The following PIR variants were observed in gnomAD, a reference collection of about 807,000 sequenced individuals.
PIR encodes the protein pirin (iron-binding nuclear protein).
In PIR, 22 loss-of-function variants were observed where a neutral mutation model predicts 24.2. The ratio of observed to expected loss-of-function variants is 0.91; its 90% CI spans 0.65 to 1.30. PIR has a LOEUF of 1.30. Ranked by LOEUF, PIR falls within the 50% of genes most tolerant of loss-of-function variation. The pLI is 0.00. For synonymous variants in PIR, 80 were observed against 79.6 expected, an observed-to-expected ratio of 1.00 and a Z score of -0.03; for missense variants, 220 against 220.3, an observed-to-expected ratio of 1.00 and a Z score of 0.01.
chrX:15,461,314 C>T (rs1481430735), intron 3 of PIR, among the ~76,000 whole-genome samples: 1 of 112,101 alleles, frequency 8.9e-6, no homozygotes, highest in Admixed American at 9.4e-5. Context: ...AGCACACAAA[C>T]TCACTAGGTG....
chrX:15,472,473 G>A (rs912874197), intron 3 of PIR, among the ~76,000 whole-genome samples: 3 of 111,956 alleles, frequency 2.7e-5, no homozygotes, highest in Non-Finnish European at 3.8e-5. Context: ...ATATCCATAC[G>A]ATACAATAGA....
At chrX:15,409,162 G>A (rs1361466537) in intron 6 of PIR, among the ~76,000 whole-genome samples, 4 of 97,774 alleles carry the variant, frequency 4.1e-5, no homozygotes, top group African/African-American at 1.6e-4. Context: ...GCAGTGGTGC[G>A]ATCTCCGCTC....
chrX:15,444,670 C>T (rs950735437), intron 5 of PIR, among the ~76,000 whole-genome samples: 3 of 111,865 alleles, frequency 2.7e-5, no homozygotes, highest in African/African-American at 9.8e-5. Context: ...CACCAGAACT[C>T]TTGCTCAAAA....
At chrX:15,387,209 C>A (rs1293715236) in intron 9 of PIR, among the ~76,000 whole-genome samples, 1 of 105,180 alleles carries the variant, frequency 9.5e-6, no homozygotes, top group Non-Finnish European at 1.9e-5. Flanking sequence ...AATTCTCACA[C>A]CTCAGCCTCC....
intron 6 of PIR, among the ~76,000 whole-genome samples, chrX:15,424,098 T>C (rs953442413): frequency 8.9e-6 from 1 of 112,168 alleles, no homozygotes; most frequent in Non-Finnish European, 1.9e-5. Context: ...AATCAATATA[T>C]CAAAGAAATA....
chrX:15,409,287 C>T (rs1210548579), intron 6 of PIR, among the ~76,000 whole-genome samples: 6 of 85,810 alleles, frequency 7.0e-5, no homozygotes, highest in East Asian at 6.6e-4. Flanking sequence ...TTAGTAGAGA[C>T]GGGGTTTCAC....
At chrX:15,410,563 T>C (rs16979910) in intron 6 of PIR, among the ~76,000 whole-genome samples, 8,384 of 111,954 alleles carry the variant, frequency 0.075, 771 homozygotes, top group African/African-American at 0.25. Context: ...TGTTCACCCT[T>C]CAAGCAGAAA....
At chrX:15,454,475 A>T (rs1921007279) in intron 5 of PIR, among the ~76,000 whole-genome samples, 1 of 64,968 alleles carries the variant, frequency 1.5e-5, no homozygotes, top group South Asian at 1.0e-3. Flanking sequence ...GGTACAGGTA[A>T]AAAAAAAAAA....
At chrX:15,400,355 C>T (rs1316937026) in intron 7 of PIR, among the ~76,000 whole-genome samples, 4 of 111,924 alleles carry the variant, frequency 3.6e-5, no homozygotes, top group Non-Finnish European at 7.5e-5. Context: ...TCTTTATCTT[C>T]AACTAATTCA....
chrX:15,407,657 T>G, intron 6 of PIR, 107 bp from the exon 7 acceptor site: 1 of 593,760 alleles, frequency 1.7e-6, no homozygotes, highest in South Asian at 2.6e-5. Flanking sequence ...GAAATCCTTT[T>G]TTTCCCTTTA....
At chrX:15,433,547 AGAGAAAGAAAGAAAG>A in intron 5 of PIR, among the ~76,000 whole-genome samples, 1 of 60,964 alleles carries the variant, frequency 1.6e-5, no homozygotes, top group South Asian at 1.0e-3. Context: ...AAAGAAAGAG[AGAGAAAGAAAGAAAG>A]AGAGAGAAAG....
chrX:15,476,802 G>A (rs1045882209), intron 3 of PIR, among the ~76,000 whole-genome samples: 4 of 111,519 alleles, frequency 3.6e-5, no homozygotes, highest in African/African-American at 1.3e-4. Flanking sequence ...AATGGCAAAG[G>A]TCAGAAAAGT....
Position 15,491,310 on chromosome X carries a change from C to A in PIR, c.-52-1G>T. On this transcript the variant is annotated splice_acceptor_variant, in intron 1 of 9. Coordinates refer to ENST00000380420, the MANE Select transcript of PIR (RefSeq NM_001018109.3). LOFTEE classifies it low-confidence loss of function (5UTR_SPLICE). ...ATGCTGAGCTGTAGAGGATGGAGGG[C>A]TAAAGGAAGGACAACAAAAAAAAAA... The A allele has an allele frequency of 1.3e-6, 1 of 789,712 alleles. No individual in the cohort carries two copies. Among genetic ancestry groups the A allele is most frequent in the African/African-American group, 2.1e-5 (1 of 47,117 alleles). 65.1% of individuals were successfully genotyped at this position (789,712 alleles called of 1,213,427 possible).
At chrX:15,453,819 G>A (rs906447254) in intron 5 of PIR, among the ~76,000 whole-genome samples, 1 of 111,934 alleles carries the variant, frequency 8.9e-6, no homozygotes, top group Non-Finnish European at 1.9e-5. Flanking sequence ...AGAAGTAGTT[G>A]TAAACTCTAA....
chrX:15,447,952 A>G (rs1270294457), intron 5 of PIR, among the ~76,000 whole-genome samples: 1 of 112,213 alleles, frequency 8.9e-6, no homozygotes, highest in Admixed American at 9.4e-5. Context: ...AGGGCCAACA[A>G]AGTATGAATG....
In PIR at chrX:15,462,849, A is replaced by C. The variant is rs185062230; in HGVS notation, c.190-3109T>G. On this transcript the variant is annotated intron_variant, in intron 3 of 9. Transcript: ENST00000380420. ...GAAGGTAAGTGCACCAACAACATTC[A>C]TTGAACAAATACTCACTGAAGTCCT... Among the ~76,000 whole-genome samples, 4 of 112,428 alleles carry C rather than the reference A, an allele frequency of 3.6e-5. No individual in the cohort carries two copies. The East Asian group carries it at 1.1e-3, about 31-fold the overall frequency.
chrX:15,490,788 G>C (rs1011425467), intron 2 of PIR, among the ~76,000 whole-genome samples: 63 of 111,868 alleles, frequency 5.6e-4, no homozygotes, highest in African/African-American at 2.0e-3. Flanking sequence ...TTGGAATTGA[G>C]AATCAGAGTT....
chrX:15,420,223 A>G (rs1466439096), intron 6 of PIR, among the ~76,000 whole-genome samples: 1 of 111,920 alleles, frequency 8.9e-6, no homozygotes, highest in East Asian at 2.8e-4. Context: ...CAACAACAAC[A>G]ACAACAAAAC....
chrX:15,443,475 T>C (rs2147048980), intron 5 of PIR, among the ~76,000 whole-genome samples: 1 of 111,264 alleles, frequency 9.0e-6, no homozygotes, highest in East Asian at 2.8e-4. Context: ...AAAGTCAAAA[T>C]TACTCTTTAT....
Sources: gnomAD v4.1 joint callset for allele counts (sites outside exome capture counted in the v4.1 genomes callset) on GRCh38, gnomAD v4.1.1 for gene constraint, MANE v1.5 for transcripts, NCBI Gene and HGNC (gene_info 2026-07-23, HGNC 2026-07-21) for gene names.